The following KCNK2 variants were observed in gnomAD, a reference collection of about 807,000 sequenced individuals.
The protein encoded by KCNK2 is potassium two pore domain channel subfamily K member 2, also known as potassium channel subfamily K member 2.
In KCNK2, 21 loss-of-function variants were observed where a neutral mutation model predicts 40.5. The observed-to-expected ratio is 0.52, with a 90% CI of 0.37 to 0.75. KCNK2 has a LOEUF of 0.75. KCNK2 is among the 30% of genes least tolerant of loss of function. The pLI, the probability that KCNK2 is intolerant of heterozygous loss-of-function variation, is 0.00. For missense variants in KCNK2, 399 were observed against 531.6 expected (o/e 0.75, Z 2.45); for synonymous variants, 191 against 202.2 (o/e 0.94, Z 0.47).
Position 215,231,191 on chromosome 1 carries a change from T to A in KCNK2, c.964-3637T>A, listed in dbSNP as rs1383478789. Among the ~76,000 whole-genome samples, 7 of 152,188 alleles carry A rather than the reference T, an allele frequency of 4.6e-5. No homozygotes were observed. The East Asian group carries it at 1.2e-3, about 25-fold the overall frequency. ...TAAGATTCAAATTGCAATAAAGAGA[T>A]GATAAAAACATTTAAAATACTTTCT... On this transcript the variant is annotated intron_variant, in intron 6 of 6. Transcript: ENST00000444842.
chr1:215,157,705 A>C (rs951952417), intron 3 of KCNK2, among the ~76,000 whole-genome samples: 9 of 152,248 alleles, frequency 5.9e-5, no homozygotes, highest in Non-Finnish European at 1.0e-4. Flanking sequence ...GACCAGGGAA[A>C]GGATCAGGAG....
At chr1:215,050,576 T>A (rs941119747) in intron 1 of KCNK2, among the ~76,000 whole-genome samples, 1 of 151,956 alleles carries the variant, frequency 6.6e-6, no homozygotes, top group African/African-American at 2.4e-5. Flanking sequence ...ACAGAACCAA[T>A]AAAAAAAGTT....
At position 215,086,653 on chromosome 1, in the gene KCNK2, C is replaced by T. The variant is rs748830571; in HGVS notation, c.332C>T (p.Ser111Leu). The change falls in exon 2 of 7, where the codon TCG becomes TTG. Residue 111 changes from serine (S) to leucine (L), a missense_variant. Ser to Leu is a moderately radical substitution (Grantham distance 145). Transcript: ENST00000444842. ...TFISQHSCVN[S>L]TELDELIQQI... ...ATATCCCAACATTCCTGTGTCAATT[C>T]GACGGAGCTGGATGAACTCATTCAG... The T allele has an allele frequency of 6.2e-6, 10 of 1,613,976 alleles. No homozygotes were observed. The East Asian group carries it at 6.7e-5, about 11-fold the overall frequency.
chr1:215,195,302 C>T (rs1664818588), intron 6 of KCNK2, among the ~76,000 whole-genome samples: 2 of 151,704 alleles, frequency 1.3e-5, no homozygotes, highest in African/African-American at 4.8e-5. Context: ...ATTGCTGTCT[C>T]AGAACTGAGG....
chr1:215,219,645 C>G (rs1253719452), intron 6 of KCNK2, among the ~76,000 whole-genome samples: 1 of 151,908 alleles, frequency 6.6e-6, no homozygotes, highest in East Asian at 1.9e-4. Flanking sequence ...TTGGAAATCT[C>G]CTCTTTTCTC....
At chr1:215,045,428 G>C (rs755399285) in intron 1 of KCNK2, among the ~76,000 whole-genome samples, 3 of 152,260 alleles carry the variant, frequency 2.0e-5, no homozygotes, top group Non-Finnish European at 4.4e-5. Flanking sequence ...TTTCATTTCT[G>C]AATGTGACAA....
chr1:215,181,659 A>ACT (rs1664220662), intron 5 of KCNK2, among the ~76,000 whole-genome samples: 1 of 152,078 alleles, frequency 6.6e-6, no homozygotes, highest in South Asian at 2.1e-4. Flanking sequence ...AGCCCTATGT[A>ACT]CTTCTCTCAG....
At chr1:215,087,763 T>C (rs1244457252) in intron 2 of KCNK2, among the ~76,000 whole-genome samples, 1 of 152,234 alleles carries the variant, frequency 6.6e-6, no homozygotes, top group Non-Finnish European at 1.5e-5. Context: ...GGAAAAATTA[T>C]TGTTGGCTTT....
intron 1 of KCNK2, among the ~76,000 whole-genome samples, chr1:215,044,832 C>CGCGT (rs1350765849): frequency 1.4e-5 from 2 of 140,606 alleles, no homozygotes; most frequent in Non-Finnish European, 3.2e-5. Context: ...TGTGTGCGCG[C>CGCGT]GCACACGTGT....
At chr1:215,145,042 A>C (rs1009517340) in intron 3 of KCNK2, among the ~76,000 whole-genome samples, 32 of 152,152 alleles carry the variant, frequency 2.1e-4, no homozygotes, top group Admixed American at 2.1e-3. Flanking sequence ...TGAAAAGAGA[A>C]TTTTGACTCA....
At chr1:215,214,838 A>C (rs1288616955) in intron 6 of KCNK2, among the ~76,000 whole-genome samples, 1 of 152,094 alleles carries the variant, frequency 6.6e-6, no homozygotes, top group Non-Finnish European at 1.5e-5. Context: ...AAAAAATAAA[A>C]AATTGAAAAA....
intron 6 of KCNK2, among the ~76,000 whole-genome samples, chr1:215,226,791 T>C (rs777138730): frequency 6.6e-6 from 1 of 152,176 alleles, no homozygotes; most frequent in Non-Finnish European, 1.5e-5. Context: ...ATTTAAAAGA[T>C]CTATATATAC....
chr1:215,206,910 G>A (rs1206175952), intron 6 of KCNK2, among the ~76,000 whole-genome samples: 2 of 152,098 alleles, frequency 1.3e-5, no homozygotes, highest in African/African-American at 2.4e-5. Context: ...TCCATGCTTG[G>A]TAATCAGACA....
intron 1 of KCNK2, among the ~76,000 whole-genome samples, chr1:215,011,127 A>G (rs1047310665): frequency 5.3e-5 from 8 of 152,000 alleles, no homozygotes; most frequent in Admixed American, 3.3e-4. Context: ...ATCAAGATAT[A>G]GAACGGTCCT....
At position 215,204,994 on chromosome 1, in the gene KCNK2, A is replaced by C. The variant is rs368468062; in HGVS notation, c.963+9902A>C. On this transcript the variant is annotated intron_variant, in intron 6 of 6. Transcript: ENST00000444842. Reference sequence around the variant, plus strand: ...TAATAAACGACTCACATGCATGTGTATACATGTATATGTGTGCCCATGTGT... The same window carrying C: ...TAATAAACGACTCACATGCATGTGTCTACATGTATATGTGTGCCCATGTGT... 3.9e-5 allele frequency among the ~76,000 whole-genome samples: 6 copies of C among 152,294 alleles called. 1 individual carries two copies. Among genetic ancestry groups the C allele is most frequent in the East Asian group, 3.9e-4 (2 of 5,162 alleles).
intron 3 of KCNK2, among the ~76,000 whole-genome samples, chr1:215,151,704 C>T (rs899712647): frequency 4.6e-5 from 7 of 151,826 alleles, no homozygotes; most frequent in African/African-American, 1.7e-4. Flanking sequence ...TAATTTTATC[C>T]ATACAGTACT....
intron 2 of KCNK2, among the ~76,000 whole-genome samples, chr1:215,119,316 T>C (rs1571633776): frequency 1.3e-5 from 2 of 152,354 alleles, no homozygotes. Flanking sequence ...GAATGCCAGA[T>C]GGCATTGAGA....
intron 6 of KCNK2, among the ~76,000 whole-genome samples, chr1:215,207,028 T>A (rs1665341011): frequency 6.6e-6 from 1 of 152,142 alleles, no homozygotes; most frequent in South Asian, 2.1e-4. Context: ...AAATTCATTC[T>A]ATTGGATATC....
At chr1:215,230,868 A>T (rs1297101871) in intron 6 of KCNK2, among the ~76,000 whole-genome samples, 1 of 152,098 alleles carries the variant, frequency 6.6e-6, no homozygotes, top group East Asian at 1.9e-4. Flanking sequence ...AGAAAAAAAA[A>T]GTTTCCAAAA....
Sources: gnomAD v4.1 joint callset for allele counts (sites outside exome capture counted in the v4.1 genomes callset) on GRCh38, gnomAD v4.1.1 for gene constraint, MANE v1.5 for transcripts, NCBI Gene and HGNC (gene_info 2026-07-23, HGNC 2026-07-21) for gene names.